Variants in PRELID2 observed in about 807,000 individuals in gnomAD.
PRELID2 encodes the protein PRELI domain containing 2.
PRELID2 carries 25 observed loss-of-function variants against 28.4 expected under a neutral mutation model. The observed-to-expected ratio is 0.88, with a 90% CI of 0.64 to 1.23. PRELID2 has a LOEUF of 1.23. Among genes scored for constraint, PRELID2 ranks in the 50% most tolerant of loss-of-function variants. PRELID2 has a pLI of 0.00. For synonymous variants in PRELID2, 76 were observed against 71.6 expected (o/e 1.06, Z -0.31); for missense variants, 201 against 214.4 (o/e 0.94, Z 0.39).
At chr5:145,558,604 AG>A (rs1376340795) in intron 1 of PRELID2, among the ~76,000 whole-genome samples, 8 of 152,228 alleles carry the variant, frequency 5.3e-5, no homozygotes, top group Non-Finnish European at 8.8e-5. Context: ...AAAAGCTTTA[AG>A]GCTTCCATTT....
the PRELID2 span, among the ~76,000 whole-genome samples, chr5:145,330,806 C>A: frequency 3.9e-5 from 6 of 152,070 alleles, no homozygotes; most frequent in Non-Finnish European, 7.4e-5. Context: ...TATTTCATGT[C>A]TTCTGCTAGC....
the PRELID2 span, among the ~76,000 whole-genome samples, chr5:145,382,427 T>C: frequency 6.6e-6 from 1 of 151,990 alleles, no homozygotes; most frequent in Non-Finnish European, 1.5e-5. Flanking sequence ...AAATGAAACA[T>C]TTTATAGTAA....
intron 1 of PRELID2, among the ~76,000 whole-genome samples, chr5:145,589,941 A>G (rs527909783): frequency 2.5e-4 from 38 of 152,300 alleles, no homozygotes; most frequent in African/African-American, 9.1e-4. Flanking sequence ...TGAATAGCCC[A>G]TCAGCTCCTC....
intron 1 of PRELID2, among the ~76,000 whole-genome samples, chr5:145,527,041 A>G (rs539942667): frequency 1.5e-4 from 23 of 152,362 alleles, no homozygotes; most frequent in African/African-American, 5.5e-4. Flanking sequence ...TGAGAGAATT[A>G]GATTAGATTT....
chr5:145,654,766 T>C (rs914133968), intron 1 of PRELID2, among the ~76,000 whole-genome samples: 42 of 152,254 alleles, frequency 2.8e-4, no homozygotes, highest in Admixed American at 1.0e-3. Context: ...ATAAGAGCTA[T>C]TTATGACAAA....
intron 1 of PRELID2, among the ~76,000 whole-genome samples, chr5:145,589,748 G>A (rs554260345): frequency 6.6e-6 from 1 of 152,068 alleles, no homozygotes; most frequent in East Asian, 1.9e-4. Flanking sequence ...CTGATTTCAT[G>A]TTTAGAAAAT....
the PRELID2 span, among the ~76,000 whole-genome samples, chr5:145,262,852 T>C: frequency 4.0e-5 from 6 of 151,678 alleles, no homozygotes; most frequent in Admixed American, 6.6e-5. Flanking sequence ...AATACGAACA[T>C]TGAATATAAA....
intron 1 of PRELID2, among the ~76,000 whole-genome samples, chr5:145,833,996 C>T (rs1376605892): frequency 4.6e-5 from 7 of 152,160 alleles, no homozygotes; most frequent in Admixed American, 4.6e-4. Flanking sequence ...GTCCTGCCTC[C>T]CAGGCCTGGG....
chr5:145,731,621 G>T (rs1471647367), intron 1 of PRELID2, among the ~76,000 whole-genome samples: 1 of 152,184 alleles, frequency 6.6e-6, no homozygotes, highest in Non-Finnish European at 1.5e-5. Flanking sequence ...ACTATACTTT[G>T]TTCCTTCTAC....
the PRELID2 span, among the ~76,000 whole-genome samples, chr5:145,297,265 C>T: frequency 6.6e-6 from 1 of 151,968 alleles, no homozygotes; most frequent in African/African-American, 2.4e-5. Context: ...GAAGTCCTTG[C>T]CCATGCCTAT....
chr5:145,743,242 C>G (rs1283001681), intron 1 of PRELID2, among the ~76,000 whole-genome samples: 1 of 151,598 alleles, frequency 6.6e-6, no homozygotes, highest in Admixed American at 6.6e-5. Context: ...AACCTTGTCT[C>G]TAACAAAAAT....
chr5:145,402,712 T>G, the PRELID2 span, among the ~76,000 whole-genome samples: 2 of 152,168 alleles, frequency 1.3e-5, no homozygotes, highest in South Asian at 2.1e-4. Flanking sequence ...AATAATGCAT[T>G]TAATGGGTTT....
the PRELID2 span, chr5:145,229,339 T>C: frequency 3.6e-5 from 27 of 742,344 alleles, no homozygotes; most frequent in East Asian, 6.2e-4. Context: ...TCCTGGTCAC[T>C]CCCAAGAACC....
the PRELID2 span, among the ~76,000 whole-genome samples, chr5:145,269,901 T>C: frequency 6.7e-6 from 1 of 148,460 alleles, no homozygotes; most frequent in African/African-American, 2.5e-5. Flanking sequence ...TACACACACA[T>C]ACATACATAC....
the PRELID2 span, among the ~76,000 whole-genome samples, chr5:145,400,342 CCAAT>C: frequency 6.6e-6 from 1 of 152,128 alleles, no homozygotes; most frequent in East Asian, 1.9e-4. Flanking sequence ...TTCAGGATCC[CCAAT>C]CAAACTTTTC....
Position 145,819,985 on chromosome 5 carries a change from A to T in PRELID2, c.167T>A (p.Ile56Asn). The change falls in exon 3 of 7, where the codon ATT (isoleucine) becomes AAT (asparagine). Residue 56 changes from isoleucine to asparagine, a missense_variant. Coordinates refer to ENST00000683046, the MANE Select transcript of PRELID2 (RefSeq NM_205846.3). ...ESTGVIYRKR[I>N]AICQNVVPEI... is the part of the protein sequence containing the mutation. Reference sequence around the variant, plus strand: ...TGGAACCACGTTCTGACAGATTGCAATCCTCTTTCTGTAGATGACCCCTGT... The same window carrying T: ...TGGAACCACGTTCTGACAGATTGCATTCCTCTTTCTGTAGATGACCCCTGT... 6.2e-7 allele frequency: 1 copy of T among 1,607,394 alleles called. No homozygotes were observed. The highest frequency in any genetic ancestry group is 1.3e-5 in the African/African-American group (1 of 74,766).
chr5:145,660,528 A>C (rs959037252), intron 1 of PRELID2, among the ~76,000 whole-genome samples: 1 of 152,146 alleles, frequency 6.6e-6, no homozygotes, highest in Non-Finnish European at 1.5e-5. Context: ...GAAAAAATGC[A>C]CTCACTCAAT....
At chr5:145,373,722 ATAT>A in the PRELID2 span, among the ~76,000 whole-genome samples, 19 of 54,490 alleles carry the variant, frequency 3.5e-4, no homozygotes, top group Admixed American at 5.9e-4. Context: ...AATATATATG[ATAT>A]TATATATTAC....
chr5:145,625,978 T>C (rs909339298), intron 1 of PRELID2, among the ~76,000 whole-genome samples: 6 of 152,180 alleles, frequency 3.9e-5, no homozygotes, highest in African/African-American at 9.6e-5. Flanking sequence ...GAAGGCCATA[T>C]GCAGAAGATT....
Sources: gnomAD v4.1 joint callset for allele counts (sites outside exome capture counted in the v4.1 genomes callset) on GRCh38, gnomAD v4.1.1 for gene constraint, MANE v1.5 for transcripts, NCBI Gene and HGNC (gene_info 2026-07-23, HGNC 2026-07-21) for gene names.